Variants in FAM13A observed in about 807,000 individuals in gnomAD.
FAM13A encodes protein FAM13A.
In FAM13A, 76 loss-of-function variants were observed where a neutral mutation model predicts 129.6. The ratio of observed to expected loss-of-function variants is 0.59; its 90% CI spans 0.49 to 0.71. The LOEUF (loss-of-function observed/expected upper bound fraction) is 0.71. Ranked by LOEUF, FAM13A falls within the 30% of genes least tolerant of loss-of-function variation. FAM13A has a pLI of 0.00. For missense variants in FAM13A, 1,108 were observed against 1,249.3 expected (o/e 0.89, Z 1.70); for synonymous variants, 443 against 449.9 (o/e 0.98, Z 0.20).
intron 2 of FAM13A, among the ~76,000 whole-genome samples, chr4:89,025,326 G>A (rs372306215): frequency 1.5e-3 from 207 of 137,632 alleles, no homozygotes; most frequent in African/African-American, 5.3e-3. Context: ...CTGCAGTGGC[G>A]CAATCTCGGC....
At position 89,047,274 on chromosome 4, in the gene FAM13A, G is replaced by T. The variant is rs527672000; in HGVS notation, c.27+9664C>A. Among the ~76,000 whole-genome samples, 22 of 151,826 alleles carry T rather than the reference G, an allele frequency of 1.4e-4. No individual in the cohort carries two copies. The South Asian group carries it at 2.9e-3, about 20-fold the overall frequency. ...ACAAATATATTAAGTGGTTTTTTTT[G>T]GGGGGGTTGTCAAATCTTGAATAAT... On this transcript the variant is annotated intron_variant, in intron 1 of 23. Coordinates refer to ENST00000264344, the MANE Select transcript of FAM13A (RefSeq NM_014883.4).
At chr4:88,804,692 T>C (rs775628649) in intron 8 of FAM13A, among the ~76,000 whole-genome samples, 2 of 123,518 alleles carry the variant, frequency 1.6e-5, no homozygotes, top group East Asian at 2.8e-4. Context: ...CCTATGCATA[T>C]GTATATGTAT....
chr4:88,728,256 C>A lies in FAM13A; in HGVS notation c.*277G>T. The A allele has an allele frequency of 2.1e-6, 1 of 469,142 alleles. No homozygotes were observed. Among genetic ancestry groups the A allele is most frequent in the Non-Finnish European group, 3.9e-6 (1 of 256,856 alleles). The allele number at this position is 469,142 out of a possible 1,614,324, so 29.1% of individuals were successfully genotyped here. ...CTCTGCTAGTGTTAGGAAAGCTCCA[C>A]TACTGTGTGTGTGTGTGCGTGCATG... On this transcript the variant is annotated 3_prime_UTR_variant, in exon 24 of 24. Coordinates refer to ENST00000264344, the MANE Select transcript of FAM13A (RefSeq NM_014883.4).
At chr4:89,010,130 T>C (rs1250432388) in intron 3 of FAM13A, among the ~76,000 whole-genome samples, 4 of 152,204 alleles carry the variant, frequency 2.6e-5, no homozygotes, top group Admixed American at 1.3e-4. Context: ...AGGATGGAGA[T>C]AGTTATGTCA....
At chr4:88,749,979 A>T in intron 15 of FAM13A, 70 bp from the exon 16 acceptor site, 1 of 1,548,720 alleles carries the variant, frequency 6.5e-7, no homozygotes, top group Non-Finnish European at 8.8e-7. Context: ...GCCCTGGGGA[A>T]GTGGGACACC....
chr4:88,728,881 A>G (rs1339642360), intron 23 of FAM13A: 1 of 456,358 alleles, frequency 2.2e-6, no homozygotes, highest in Non-Finnish European at 4.0e-6. Flanking sequence ...TATATAGTTA[A>G]TCTGGCATCC....
chr4:88,808,132 A>G (rs1267134362), intron 7 of FAM13A, among the ~76,000 whole-genome samples: 4 of 152,198 alleles, frequency 2.6e-5, no homozygotes, highest in Non-Finnish European at 5.9e-5. Flanking sequence ...TTTCCCTTTC[A>G]TAAAAGTACC....
At chr4:88,793,715 C>A (rs1725628334) in intron 8 of FAM13A, among the ~76,000 whole-genome samples, 1 of 151,838 alleles carries the variant, frequency 6.6e-6, no homozygotes, top group South Asian at 2.1e-4. Context: ...AAAGAAACCT[C>A]AAAAAATTGT....
intron 12 of FAM13A, 68 bp from the exon 13 acceptor site, chr4:88,767,663 T>C: frequency 8.3e-7 from 1 of 1,205,116 alleles, no homozygotes; most frequent in Non-Finnish European, 1.2e-6. Context: ...TTTCATCCAC[T>C]GATATTATGA....
chr4:88,790,486 T>C (rs1170994676), intron 9 of FAM13A, 100 bp downstream of exon 9: 2 of 962,830 alleles, frequency 2.1e-6, no homozygotes, highest in East Asian at 2.4e-5. Context: ...TTTCCAATAC[T>C]GTACACCATT....
chr4:88,823,202 G>A (rs1008533774), intron 7 of FAM13A: 4 of 1,438,184 alleles, frequency 2.8e-6, no homozygotes, highest in Non-Finnish European at 1.8e-6. Flanking sequence ...TTCAGGCAAT[G>A]CTATTTTATC....
chr4:88,916,088 G>A (rs141615446), intron 5 of FAM13A, among the ~76,000 whole-genome samples: 18 of 152,100 alleles, frequency 1.2e-4, no homozygotes, highest in African/African-American at 4.1e-4. Flanking sequence ...AGCACACTTA[G>A]CCCCCTAACT....
At chr4:89,022,446 A>C (rs942765690) in intron 2 of FAM13A, among the ~76,000 whole-genome samples, 3 of 152,170 alleles carry the variant, frequency 2.0e-5, no homozygotes, top group Non-Finnish European at 4.4e-5. Flanking sequence ...AGTTGATATG[A>C]ATTTTAGCTC....
At chr4:88,892,356 T>A (rs1745496848) in intron 6 of FAM13A, among the ~76,000 whole-genome samples, 1 of 151,970 alleles carries the variant, frequency 6.6e-6, no homozygotes. Flanking sequence ...ATTTTTTGTA[T>A]TTTTAGTAGA....
chr4:88,815,258 T>C (rs1197877909), intron 7 of FAM13A, among the ~76,000 whole-genome samples: 1 of 152,158 alleles, frequency 6.6e-6, no homozygotes. Flanking sequence ...TTATTTTCAC[T>C]TTGTTACTTA....
chr4:88,799,046 T>C (rs1442982033), intron 8 of FAM13A, among the ~76,000 whole-genome samples: 1 of 152,224 alleles, frequency 6.6e-6, no homozygotes, highest in Non-Finnish European at 1.5e-5. Flanking sequence ...TTATTAACAT[T>C]GTTAGAATTA....
At chr4:88,982,729 T>C (rs373197012) in intron 4 of FAM13A, among the ~76,000 whole-genome samples, 6 of 152,312 alleles carry the variant, frequency 3.9e-5, no homozygotes, top group African/African-American at 1.2e-4. Flanking sequence ...AACTGGGATA[T>C]TGGGGATTTC....
chr4:89,057,089 C>G lies in FAM13A; in HGVS notation c.-125G>C. 6.6e-7 allele frequency: 1 copy of G among 1,518,050 alleles called. No individual in the cohort carries two copies. Among genetic ancestry groups the G allele is most frequent in the Non-Finnish European group, 8.8e-7 (1 of 1,137,282 alleles). The allele number at this position is 1,518,050 out of a possible 1,614,324, so 94.0% of individuals were successfully genotyped here. ...GAAAAACAGCTCCCAATGCAAAGGC[C>G]CCAAGGTAAGCGAAGAGCAGCTTCT... On this transcript the variant is annotated 5_prime_UTR_variant, in exon 1 of 24. Transcript: ENST00000264344.
intron 7 of FAM13A, among the ~76,000 whole-genome samples, chr4:88,805,532 G>A (rs978744317): frequency 1.3e-5 from 2 of 152,142 alleles, no homozygotes; most frequent in South Asian, 4.2e-4. Context: ...CCATACTCAC[G>A]GGCTCTTTGT....
Sources: gnomAD v4.1 joint callset for allele counts (sites outside exome capture counted in the v4.1 genomes callset) on GRCh38, gnomAD v4.1.1 for gene constraint, MANE v1.5 for transcripts, NCBI Gene and HGNC (gene_info 2026-07-23, HGNC 2026-07-21) for gene names.